GGA3: variants seen among roughly 807,000 people sequenced by gnomAD.
GGA3 encodes ADP-ribosylation factor-binding protein GGA3.
GGA3 carries 57 observed loss-of-function variants against 77.5 expected under a neutral mutation model. That is an observed-to-expected ratio of 0.74 (90% CI 0.59 to 0.92). The LOEUF (loss-of-function observed/expected upper bound fraction) is 0.92. Ranked by LOEUF, GGA3 falls within the 40% of genes least tolerant of loss-of-function variation. The probability of loss-of-function intolerance (pLI) is 0.00; values close to 1 mark genes in which losing one functional copy is unlikely to be tolerated. For synonymous variants in GGA3, 416 were observed against 383.7 expected, an observed-to-expected ratio of 1.08 and a Z score of -0.98; for missense variants, 970 against 914.9, an observed-to-expected ratio of 1.06 and a Z score of -0.78.
At chr17:75,239,352 C>G (rs2076439946) in intron 14 of GGA3, 23 bp downstream of exon 14, 2 of 1,516,594 alleles carry the variant, frequency 1.3e-6, no homozygotes, top group Middle Eastern at 3.5e-4. Flanking sequence ...CCGCCCCACC[C>G]ACCTCAATCC....
chr17:75,249,419 G>A (rs1567796766), intron 1 of GGA3, among the ~76,000 whole-genome samples: 2 of 152,180 alleles, frequency 1.3e-5, no homozygotes, highest in Non-Finnish European at 2.9e-5. Context: ...TCAAAATCTG[G>A]AGCTTGAAAG....
In GGA3 at chr17:75,243,464, T is replaced by G. The variant is rs1022841418; in HGVS notation, c.407A>C (p.His136Pro). 5.0e-6 allele frequency: 8 copies of G among 1,614,050 alleles called. No individual in the cohort carries two copies. The highest frequency in any genetic ancestry group is 6.8e-6 in the Non-Finnish European group (8 of 1,180,040). ...PEEAKIKDAY[H>P]MLKRQGIVQS... is the part of the protein sequence containing the mutation. The stretch of plus-strand genomic sequence containing the variant: ...ACACGTACCCTGTCTCTTCAGCATG[T>G]GGTAGGCGTCTTTGATCTTTGCTTC... The change falls in exon 5 of 17, where the codon CAC (histidine) becomes CCC (proline). Residue 136 changes from histidine to proline, a missense_variant. Transcript: ENST00000537686.
intron 7 of GGA3, 120 bp from the exon 8 acceptor site, chr17:75,242,593 G>C: frequency 1.7e-6 from 2 of 1,171,466 alleles, no homozygotes; most frequent in East Asian, 4.7e-5. Context: ...TTTCAGTGTG[G>C]GGTGCCTGGG....
chr17:75,256,953 C>A (rs1274988112), intron 1 of GGA3, among the ~76,000 whole-genome samples: 1 of 147,122 alleles, frequency 6.8e-6, no homozygotes, highest in Non-Finnish European at 1.5e-5. Flanking sequence ...GCCTTCCCAC[C>A]TCTATACAGT....
At chr17:75,251,303 CCCT>C (rs1033896947) in intron 1 of GGA3, among the ~76,000 whole-genome samples, 30 of 150,666 alleles carry the variant, frequency 2.0e-4, no homozygotes, top group African/African-American at 7.3e-4. Flanking sequence ...ACAGATTTTA[CCCT>C]CAAGGAGGCT....
intron 1 of GGA3, among the ~76,000 whole-genome samples, chr17:75,253,698 T>C (rs2077048613): frequency 6.6e-6 from 1 of 152,196 alleles, no homozygotes; most frequent in Non-Finnish European, 1.5e-5. Flanking sequence ...TGTGCCCCAA[T>C]CCCTTATTTC....
intron 15 of GGA3, 22 bp from the exon 16 acceptor site, chr17:75,238,784 T>G (rs954761534): frequency 1.8e-5 from 29 of 1,597,074 alleles, no homozygotes; most frequent in Non-Finnish European, 2.4e-5. Context: ...GAAACTCCTT[T>G]GAAGAGAACT....
intron 10 of GGA3, among the ~76,000 whole-genome samples, 171 bp downstream of exon 10, chr17:75,241,229 C>G (rs1217480068): frequency 6.6e-6 from 1 of 152,154 alleles, no homozygotes; most frequent in Non-Finnish European, 1.5e-5. Flanking sequence ...TGGGGAAATT[C>G]CTACCCACAT....
chr17:75,238,765 A>G lies in GGA3; in HGVS notation c.1951-3T>C, dbSNP rs898530664. On this transcript the variant is annotated splice_region_variant and splice_polypyrimidine_tract_variant and intron_variant, in intron 15 of 16. Coordinates refer to ENST00000537686, the MANE Select transcript of GGA3 (RefSeq NM_138619.4). ...GGCTGCAACTTCACTTTCATTGACT[A>G]AAGAGAGAGAAACTCCTTTGAAGAG... is the stretch of plus-strand genomic sequence containing the variant. The G allele has an allele frequency of 3.7e-6, 6 of 1,609,166 alleles. No individual in the cohort carries two copies. Among genetic ancestry groups the G allele is most frequent in the South Asian group, 1.1e-5 (1 of 90,848 alleles).
rs773828448 is a variant in GGA3, at chr17:75,239,069, C to T, written c.1795G>A (p.Val599Met). Residue 599 changes from valine (V) to methionine (M), a missense_variant, in exon 15 of 17, where the codon GTG becomes ATG. By Grantham distance (21) the Val-to-Met change is conservative. Coordinates refer to ENST00000537686, the MANE Select transcript of GGA3 (RefSeq NM_138619.4). ...AAGCCGTTTTTATCGTAGGCTGTCA[C>T]AGGAAGGGCACTGCCTGTAAGAACG... ...ESIKPSSALP[V>M]TAYDKNGFRI... 1.2e-6 allele frequency: 2 copies of T among 1,612,984 alleles called. No individual in the cohort carries two copies. The highest frequency in any genetic ancestry group is 1.3e-5 in the African/African-American group (1 of 74,860).
chr17:75,257,141 C>G lies in GGA3; in HGVS notation c.40+4407G>C, dbSNP rs2077177898. On this transcript the variant is annotated intron_variant, in intron 1 of 16. Transcript: ENST00000537686. ...CCAACTTAAAAAGGACTGGACAATA[C>G]TTTTACCACTTTCCCTTCTCAGAAG... 2.0e-5 allele frequency among the ~76,000 whole-genome samples: 3 copies of G among 152,214 alleles called. No homozygotes were observed. In the East Asian group the frequency reaches 5.8e-4, roughly 29 times the overall value.
intron 1 of GGA3, among the ~76,000 whole-genome samples, chr17:75,252,119 AC>A (rs1300012658): frequency 6.6e-6 from 1 of 150,386 alleles, no homozygotes; most frequent in Admixed American, 6.6e-5. Context: ...TCACTCTGTC[AC>A]CCAGGTTGGA....
chr17:75,251,699 T>A (rs1245847651), intron 1 of GGA3, among the ~76,000 whole-genome samples: 6 of 78,798 alleles, frequency 7.6e-5, no homozygotes, highest in Non-Finnish European at 1.3e-4. Flanking sequence ...AGAGTGAGAC[T>A]CCTTCTCAAA....
At chr17:75,259,700 G>A (rs1429004982) in intron 1 of GGA3, among the ~76,000 whole-genome samples, 3 of 152,152 alleles carry the variant, frequency 2.0e-5, no homozygotes, top group Non-Finnish European at 4.4e-5. Flanking sequence ...TCAGGCAAAC[G>A]TGGGGTGACA....
chr17:75,237,450 C>T lies in GGA3; in HGVS notation c.*829G>A. 1 of 1,529,738 alleles carries T rather than the reference C, an allele frequency of 6.5e-7. No individual in the cohort carries two copies. Among genetic ancestry groups the T allele is most frequent in the East Asian group, 2.4e-5 (1 of 40,884 alleles). The allele number at this position is 1,529,738 out of a possible 1,614,324, so 94.8% of individuals were successfully genotyped here. On this transcript the variant is annotated 3_prime_UTR_variant, in exon 17 of 17. Transcript: ENST00000537686. The stretch of plus-strand genomic sequence containing the variant: ...CCAAGGGGAGGATAGCAGTTTATTT[C>T]ATGCCAAGCAAGAGGTAGTCAGTAG...
At chr17:75,260,755 C>CT (rs1444780382) in intron 1 of GGA3, among the ~76,000 whole-genome samples, 2 of 152,208 alleles carry the variant, frequency 1.3e-5, no homozygotes, top group African/African-American at 4.8e-5. Context: ...CAGAGTACTA[C>CT]CTGCTAACCA....
chr17:75,240,895 G>A lies in GGA3; in HGVS notation c.1109C>T (p.Ser370Phe). 6.2e-6 allele frequency: 10 copies of A among 1,613,852 alleles called. No homozygotes were observed. Among genetic ancestry groups the A allele is most frequent in the Non-Finnish European group, 8.5e-6 (10 of 1,179,904 alleles). ...PQASGPPRSR[S>F]SSQAEATLGP... ...CAGGGTGGCCTCGGCCTGGCTAGAG[G>A]AGCGGCTCCGTGGAGGTCCTGAGGC... The change falls in exon 11 of 17, where the codon TCC becomes TTC. Residue 370 changes from serine to phenylalanine, a missense_variant. Physicochemically the swap from Ser to Phe is radical, Grantham distance 155. Coordinates refer to ENST00000537686, the MANE Select transcript of GGA3 (RefSeq NM_138619.4).
Position 75,238,917 on chromosome 17 carries a change from G to T in GGA3, c.1947C>A (p.Pro649=), listed in dbSNP as rs757902090. 7.6e-5 allele frequency: 123 copies of T among 1,613,804 alleles called. No individual in the cohort carries two copies. The highest frequency in any genetic ancestry group is 9.9e-5 in the Non-Finnish European group (117 of 1,179,848). The change falls in exon 15 of 17, where the codon CCC becomes CCA. Residue 649 remains proline, a synonymous_variant. Transcript: ENST00000537686. ...GGCCCCAGGGAGACACTGGTACCTT[G>T]GGCACTGCAGCCTGCAGCACGATGC... ...VKSIVLQAAV[P]KSMKVKLQPP... is the part of the protein sequence containing the mutation.
In GGA3 at chr17:75,237,550, C is replaced by G. The variant is rs2076362137; in HGVS notation, c.*729G>C. 3 of 1,535,894 alleles carry G rather than the reference C, an allele frequency of 2.0e-6. No homozygotes were observed. Among genetic ancestry groups the G allele is most frequent in the Non-Finnish European group, 2.6e-6 (3 of 1,146,722 alleles). ...ACCTGCTTCTGGAGAAGGGGAAATACTGGCTCTCTTCATTTTCCTTCCTAT... is the reference window on the plus strand; with the variant it reads ...ACCTGCTTCTGGAGAAGGGGAAATAGTGGCTCTCTTCATTTTCCTTCCTAT... On this transcript the variant is annotated 3_prime_UTR_variant, in exon 17 of 17. Coordinates refer to ENST00000537686, the MANE Select transcript of GGA3 (RefSeq NM_138619.4).
Sources: allele counts gnomAD v4.1 joint callset (sites outside exome capture counted in the v4.1 genomes callset), GRCh38; gene constraint gnomAD v4.1.1; transcripts MANE v1.5; gene names NCBI Gene and HGNC (gene_info 2026-07-23, HGNC 2026-07-21).